Variants in CATSPERT observed in about 807,000 individuals in gnomAD.
CATSPERT encodes cation channel sperm-associated targeting subunit tau.
chr2:201,503,235 C>T, the CATSPERT span, among the ~76,000 whole-genome samples: 1 of 151,904 alleles, frequency 6.6e-6, no homozygotes, highest in Non-Finnish European at 1.5e-5. Flanking sequence ...TTTTTATATG[C>T]CCAGTATTTT....
At chr2:201,590,189 T>A in the CATSPERT span, among the ~76,000 whole-genome samples, 1 of 146,724 alleles carries the variant, frequency 6.8e-6, no homozygotes, top group Middle Eastern at 3.4e-3. Flanking sequence ...CCTGTGTCCA[T>A]GTGTTCTCAT....
the CATSPERT span, among the ~76,000 whole-genome samples, chr2:201,520,529 A>T: frequency 2.6e-5 from 4 of 152,222 alleles, no homozygotes; most frequent in African/African-American, 9.7e-5. Context: ...AAATAATACA[A>T]ATACATGGAA....
chr2:201,611,279 C>A, the CATSPERT span, among the ~76,000 whole-genome samples: 1 of 152,152 alleles, frequency 6.6e-6, no homozygotes, highest in South Asian at 2.1e-4. Flanking sequence ...CATACAAAAT[C>A]AACATAATGT....
At chr2:201,594,622 G>A in the CATSPERT span, among the ~76,000 whole-genome samples, 3 of 152,096 alleles carry the variant, frequency 2.0e-5, no homozygotes, top group Non-Finnish European at 2.9e-5. Flanking sequence ...ACACCAATCA[G>A]ACGTAGATTT....
At chr2:201,604,135 G>T in the CATSPERT span, among the ~76,000 whole-genome samples, 1 of 135,704 alleles carries the variant, frequency 7.4e-6, no homozygotes, top group Non-Finnish European at 1.6e-5. Flanking sequence ...TCTGTGTGGT[G>T]TGTGTGTGTA....
chr2:201,594,687 C>CT, the CATSPERT span, among the ~76,000 whole-genome samples: 3 of 151,790 alleles, frequency 2.0e-5, no homozygotes, highest in East Asian at 5.8e-4. Context: ...TCTTTTTATT[C>CT]TTTTTTCTCT....
chr2:201,502,700 G>A, the CATSPERT span, among the ~76,000 whole-genome samples: 1 of 151,592 alleles, frequency 6.6e-6, no homozygotes, highest in African/African-American at 2.4e-5. Context: ...TCTTAGTAAT[G>A]TGATTATTAG....
At chr2:201,524,273 C>G in the CATSPERT span, among the ~76,000 whole-genome samples, 1 of 152,126 alleles carries the variant, frequency 6.6e-6, no homozygotes, top group Non-Finnish European at 1.5e-5. Context: ...ACAAGAGACC[C>G]TTCAGCAGAA....
chr2:201,502,068 A>G, the CATSPERT span, among the ~76,000 whole-genome samples: 1 of 152,100 alleles, frequency 6.6e-6, no homozygotes, highest in Admixed American at 6.6e-5. Context: ...AAATAAAACT[A>G]TGTTCCCTCC....
the CATSPERT span, among the ~76,000 whole-genome samples, chr2:201,584,051 G>A: frequency 1.3e-5 from 2 of 152,200 alleles, no homozygotes; most frequent in East Asian, 3.8e-4. Flanking sequence ...CACTTTGGGA[G>A]GCCAAGGTGG....
At chr2:201,522,181 A>G in the CATSPERT span, among the ~76,000 whole-genome samples, 1 of 152,216 alleles carries the variant, frequency 6.6e-6, no homozygotes, top group Non-Finnish European at 1.5e-5. Context: ...AAGAGAAAGA[A>G]ATTAAGGACA....
the CATSPERT span, among the ~76,000 whole-genome samples, chr2:201,488,344 C>G: frequency 6.6e-6 from 1 of 152,180 alleles, no homozygotes; most frequent in Non-Finnish European, 1.5e-5. Flanking sequence ...TTATATTTTA[C>G]TTTTCATATC....
At chr2:201,612,615 T>C in the CATSPERT span, among the ~76,000 whole-genome samples, 1 of 133,038 alleles carries the variant, frequency 7.5e-6, no homozygotes, top group Non-Finnish European at 1.6e-5. Flanking sequence ...GATAGCCAAA[T>C]AGGAGCAGCT....
At chr2:201,518,792 T>C in the CATSPERT span, among the ~76,000 whole-genome samples, 2 of 152,226 alleles carry the variant, frequency 1.3e-5, no homozygotes, top group East Asian at 3.8e-4. Context: ...AGATAATGCA[T>C]TTCTTAATTT....
chr2:201,588,127 G>A, the CATSPERT span, among the ~76,000 whole-genome samples: 2 of 151,964 alleles, frequency 1.3e-5, no homozygotes, highest in Admixed American at 6.6e-5. Context: ...CAGAAGGGAC[G>A]CCTCCCTAAC....
chr2:201,602,962 G>C, the CATSPERT span, among the ~76,000 whole-genome samples: 1 of 152,134 alleles, frequency 6.6e-6, no homozygotes, highest in Non-Finnish European at 1.5e-5. Context: ...GCTAAGTCTA[G>C]CCTTCCATGC....
chr2:201,581,548 G>GTGTATATA, the CATSPERT span, among the ~76,000 whole-genome samples: 3 of 9,654 alleles, frequency 3.1e-4, no homozygotes, highest in Admixed American at 2.1e-3. Flanking sequence ...AAAAATGTGT[G>GTGTATATA]TATATATATA....
the CATSPERT span, among the ~76,000 whole-genome samples, chr2:201,610,952 T>C: frequency 6.6e-6 from 1 of 152,074 alleles, no homozygotes; most frequent in African/African-American, 2.4e-5. Flanking sequence ...TTCAACAAAC[T>C]GGCATAGAAG....
chr2:201,554,970 A>G, the CATSPERT span: 1 of 152,238 alleles, frequency 6.6e-6, no homozygotes, highest in African/African-American at 2.4e-5. Flanking sequence ...TTTTATGATT[A>G]GCATGCATTA....
Sources: allele counts gnomAD v4.1 joint callset (sites outside exome capture counted in the v4.1 genomes callset), GRCh38; gene constraint gnomAD v4.1.1; transcripts MANE v1.5; gene names NCBI Gene and HGNC (gene_info 2026-07-23, HGNC 2026-07-21).